TNFSF4: variants seen among roughly 807,000 people sequenced by gnomAD.
TNFSF4 encodes tumor necrosis factor ligand superfamily member 4.
Under a neutral mutation model 7.3 loss-of-function variants are expected in TNFSF4, and 4 were observed. That is an observed-to-expected ratio of 0.55 (90% CI 0.27 to 1.25). The LOEUF is 1.25. Among genes scored for constraint, TNFSF4 ranks in the 50% most tolerant of loss-of-function variants. The pLI is 0.12. For synonymous variants in TNFSF4, 76 were observed against 83.7 expected (o/e 0.91, Z 0.50); for missense variants, 181 against 208.8 (o/e 0.87, Z 0.82).
At chr1:173,215,000 C>G in the TNFSF4 span, among the ~76,000 whole-genome samples, 1 of 152,100 alleles carries the variant, frequency 6.6e-6, no homozygotes, top group African/African-American at 2.4e-5. Context: ...CAACCCCCGA[C>G]CCCAAATTCA....
At chr1:173,352,403 A>C in the TNFSF4 span, among the ~76,000 whole-genome samples, 2 of 152,318 alleles carry the variant, frequency 1.3e-5, no homozygotes, top group South Asian at 4.2e-4. Flanking sequence ...CCTAAGTGTC[A>C]GCCAGTCTTA....
At chr1:173,323,351 A>T in the TNFSF4 span, among the ~76,000 whole-genome samples, 1 of 152,192 alleles carries the variant, frequency 6.6e-6, no homozygotes, top group Non-Finnish European at 1.5e-5. Flanking sequence ...AAAACTAACA[A>T]ACAGAAAGGA....
the TNFSF4 span, among the ~76,000 whole-genome samples, chr1:173,327,147 T>C: frequency 2.6e-5 from 4 of 152,156 alleles, no homozygotes; most frequent in African/African-American, 4.8e-5. Flanking sequence ...CAAAACAGCA[T>C]AGTACTGGTA....
At chr1:173,205,667 CTT>C (rs758965972) in intron 1 of TNFSF4, 6 of 859,112 alleles carry the variant, frequency 7.0e-6, no homozygotes, top group Non-Finnish European at 8.5e-6. Context: ...TGGTTACTCT[CTT>C]TGTTTTCTTC....
chr1:173,233,508 A>C, the TNFSF4 span, among the ~76,000 whole-genome samples: 1 of 152,114 alleles, frequency 6.6e-6, no homozygotes, highest in Non-Finnish European at 1.5e-5. Flanking sequence ...GAGAAAAGCA[A>C]CTCCAAGACA....
chr1:173,323,366 C>T, the TNFSF4 span, among the ~76,000 whole-genome samples: 3 of 152,180 alleles, frequency 2.0e-5, no homozygotes, highest in African/African-American at 4.8e-5. Flanking sequence ...AAAGGACATC[C>T]ACACCAAAAA....
intron 1 of TNFSF4, among the ~76,000 whole-genome samples, chr1:173,199,593 T>G (rs1359847748): frequency 6.6e-6 from 1 of 152,192 alleles, no homozygotes; most frequent in East Asian, 1.9e-4. Context: ...TCTAGAGCCT[T>G]CAGAGGAGCG....
the TNFSF4 span, among the ~76,000 whole-genome samples, chr1:173,329,931 G>A: frequency 6.6e-6 from 1 of 152,018 alleles, no homozygotes; most frequent in African/African-American, 2.4e-5. Flanking sequence ...CTGTGGTCTA[G>A]ACATTTTTCC....
chr1:173,188,392 T>C (rs1367644281), intron 2 of TNFSF4, 129 bp downstream of exon 2: 3 of 725,122 alleles, frequency 4.1e-6, no homozygotes, highest in South Asian at 1.8e-5. Context: ...ACAACAATTC[T>C]GGGATTTAAT....
At chr1:173,214,815 G>A in the TNFSF4 span, among the ~76,000 whole-genome samples, 3 of 152,076 alleles carry the variant, frequency 2.0e-5, no homozygotes, top group Non-Finnish European at 4.4e-5. Flanking sequence ...ATCCTCCTGC[G>A]AACACTCTGC....
chr1:173,400,069 C>T, the TNFSF4 span, among the ~76,000 whole-genome samples: 1 of 152,342 alleles, frequency 6.6e-6, no homozygotes, highest in Middle Eastern at 3.4e-3. Flanking sequence ...GCGAGAACTA[C>T]CATCCATAAG....
the TNFSF4 span, among the ~76,000 whole-genome samples, chr1:173,354,771 T>A: frequency 1.1e-4 from 17 of 152,310 alleles, 1 homozygote; most frequent in Middle Eastern, 0.01. Flanking sequence ...AAAATTTTTT[T>A]AAAAAGGTTA....
the TNFSF4 span, among the ~76,000 whole-genome samples, chr1:173,233,995 T>C: frequency 6.6e-6 from 1 of 152,038 alleles, no homozygotes. Context: ...GAAACCACCA[T>C]CAGAGTGAAC....
chr1:173,341,002 T>G, the TNFSF4 span, among the ~76,000 whole-genome samples: 28 of 152,084 alleles, frequency 1.8e-4, no homozygotes, highest in Non-Finnish European at 3.7e-4. Flanking sequence ...AGTGAGTGAG[T>G]TCTCATGAGA....
At chr1:173,317,330 G>T in the TNFSF4 span, among the ~76,000 whole-genome samples, 3 of 152,150 alleles carry the variant, frequency 2.0e-5, no homozygotes, top group South Asian at 6.2e-4. Flanking sequence ...GATGATACCT[G>T]CATGGTAATC....
At chr1:173,373,168 C>A in the TNFSF4 span, among the ~76,000 whole-genome samples, 1 of 151,728 alleles carries the variant, frequency 6.6e-6, no homozygotes. Context: ...TCTGGGGGAA[C>A]CCCCAATAAA....
At chr1:173,330,599 T>C in the TNFSF4 span, among the ~76,000 whole-genome samples, 5 of 152,104 alleles carry the variant, frequency 3.3e-5, no homozygotes, top group Admixed American at 6.5e-5. Flanking sequence ...CCTGAAAAAC[T>C]GAAGCTCCTG....
At chr1:173,200,190 G>A (rs1296311906) in intron 1 of TNFSF4, among the ~76,000 whole-genome samples, 2 of 152,112 alleles carry the variant, frequency 1.3e-5, no homozygotes, top group African/African-American at 2.4e-5. Context: ...TCGTGGCCTC[G>A]TGGCCAGGCA....
chr1:173,204,703 A>C (rs1650099310), intron 1 of TNFSF4, among the ~76,000 whole-genome samples: 1 of 152,094 alleles, frequency 6.6e-6, no homozygotes, highest in Admixed American at 6.6e-5. Context: ...TATGTCTTAT[A>C]AAATAGAGGT....
Sources: gnomAD v4.1 joint callset for allele counts (sites outside exome capture counted in the v4.1 genomes callset) on GRCh38, gnomAD v4.1.1 for gene constraint, MANE v1.5 for transcripts, NCBI Gene and HGNC (gene_info 2026-07-23, HGNC 2026-07-21) for gene names.